The following BAZ2B variants were observed in gnomAD, a reference collection of about 807,000 sequenced individuals.
BAZ2B encodes the protein bromodomain adjacent to zinc finger domain 2B.
In BAZ2B, 91 loss-of-function variants were observed where a neutral mutation model predicts 246.0. That is an observed-to-expected ratio of 0.37 (90% CI 0.31 to 0.44). The LOEUF is 0.44. Among genes scored for constraint, BAZ2B ranks in the 20% least tolerant of loss-of-function variants. BAZ2B has a pLI of 1.00. For synonymous variants in BAZ2B, 855 were observed against 860.0 expected (o/e 0.99, Z 0.10); for missense variants, 2,332 against 2,533.7 (o/e 0.92, Z 1.71).
intron 3 of BAZ2B, among the ~76,000 whole-genome samples, chr2:159,476,664 GAA>G (rs1375764291): frequency 1.3e-5 from 2 of 152,128 alleles, no homozygotes; most frequent in Non-Finnish European, 2.9e-5. Flanking sequence ...CTTCAAATAA[GAA>G]AAGACATTTC....
intron 27 of BAZ2B, among the ~76,000 whole-genome samples, chr2:159,354,972 A>G (rs1214939108): frequency 6.6e-6 from 1 of 152,170 alleles, no homozygotes; most frequent in African/African-American, 2.4e-5. Flanking sequence ...GAAAGAAGCT[A>G]TGTCTTCTTG....
chr2:159,704,805 C>T, the BAZ2B span, among the ~76,000 whole-genome samples: 3 of 151,712 alleles, frequency 2.0e-5, no homozygotes, highest in Non-Finnish European at 4.4e-5. Context: ...TGAGTTCTCG[C>T]CATTCTCCTG....
intron 1 of BAZ2B, among the ~76,000 whole-genome samples, chr2:159,613,483 T>TTCA (rs10693275): frequency 0.54 from 81,539 of 149,822 alleles, 23,058 homozygotes; most frequent in East Asian, 0.74. Context: ...AAAAAGACTC[T>TTCA]TCATCATCGT....
intron 2 of BAZ2B, among the ~76,000 whole-genome samples, chr2:159,520,859 T>C (rs552271936): frequency 1.3e-5 from 2 of 152,284 alleles, no homozygotes; most frequent in East Asian, 3.9e-4. Flanking sequence ...TAAATGACAA[T>C]TTTCATCCAA....
chr2:159,558,475 G>C (rs1429158067), intron 1 of BAZ2B, among the ~76,000 whole-genome samples: 4 of 152,048 alleles, frequency 2.6e-5, no homozygotes, highest in Admixed American at 2.6e-4. Context: ...GGTCAGGCTG[G>C]TCTTGAACTC....
At chr2:159,590,269 C>CA (rs34798154) in intron 1 of BAZ2B, among the ~76,000 whole-genome samples, 28,136 of 69,148 alleles carry the variant, frequency 0.41, 6,343 homozygotes, top group Middle Eastern at 0.57. Flanking sequence ...ATCTTCCACT[C>CA]AAAAAAAAAA....
chr2:159,557,096 T>C (rs572505332), intron 1 of BAZ2B, among the ~76,000 whole-genome samples: 5 of 151,876 alleles, frequency 3.3e-5, no homozygotes, highest in Admixed American at 1.3e-4. Context: ...TACTTCATGA[T>C]TACTGGCTCT....
intron 36 of BAZ2B, among the ~76,000 whole-genome samples, chr2:159,323,260 C>T (rs1327706864): frequency 1.3e-5 from 2 of 151,790 alleles, no homozygotes; most frequent in African/African-American, 2.4e-5. Context: ...GCTGGGATTA[C>T]AGGCGTGAGC....
In BAZ2B at chr2:159,348,807, T is replaced by C; in HGVS notation, c.5164A>G (p.Ile1722Val). ...AAAGCTTTTAGGTCCTCTGGGTCAA[T>C]AATTCTCCACCAACCAAACTGCATT... ...EEMQFGWWRI[I>V]DPEDLKALLK... The change falls in exon 30 of 37, where the codon ATT becomes GTT. Residue 1722 changes from isoleucine (I) to valine (V), a missense_variant. Around this residue, in one of 9 missense-constraint regions of BAZ2B, gnomAD observed 676 missense variants for 668.6 expected, o/e 1.01. Transcript: ENST00000392783. 2 of 1,606,690 alleles carry C rather than the reference T, an allele frequency of 1.2e-6. No individual in the cohort carries two copies. Among genetic ancestry groups the C allele is most frequent in the Non-Finnish European group, 1.7e-6 (2 of 1,178,300 alleles).
At chr2:159,628,458 G>C in the BAZ2B span, among the ~76,000 whole-genome samples, 2 of 152,142 alleles carry the variant, frequency 1.3e-5, no homozygotes, top group Non-Finnish European at 2.9e-5. Context: ...CACAGTACTG[G>C]TACCGAAACA....
At position 159,446,864 on chromosome 2, in the gene BAZ2B, G is replaced by A. The variant is rs751488167; in HGVS notation, c.614C>T (p.Ser205Leu). The A allele has an allele frequency of 1.2e-5, 19 of 1,613,612 alleles. No homozygotes were observed. The highest frequency in any genetic ancestry group is 2.2e-5 in the East Asian group (1 of 44,822). Residue 205 changes from serine to leucine, a missense_variant, in exon 6 of 37, where the codon TCA (serine) becomes TTA (leucine). Ser to Leu is a moderately radical substitution (Grantham distance 145). Transcript: ENST00000392783. ...SSMGQTKSTSSGGGNRKCNQE... is the reference protein window; with the variant it reads ...SSMGQTKSTSLGGGNRKCNQE... Reference sequence around the variant, plus strand: ...ATTACATTTTCGATTTCCTCCACCTGAGCTTGTACTTTTAGTTTGTCCCAT... The same window carrying A: ...ATTACATTTTCGATTTCCTCCACCTAAGCTTGTACTTTTAGTTTGTCCCAT...
chr2:159,406,911 C>A lies in BAZ2B; in HGVS notation c.2678-1797G>T, dbSNP rs148928838. 2.6e-5 allele frequency among the ~76,000 whole-genome samples: 4 copies of A among 151,780 alleles called. No homozygotes were observed. The South Asian group carries it at 8.4e-4, about 32-fold the overall frequency. On this transcript the variant is annotated intron_variant, in intron 14 of 36. Transcript: ENST00000392783. Reference sequence around the variant, plus strand: ...CTGGGACTACAGGCGCCCGCCACCACGCCCAGCTAATTTTTTATACTTTTA... The same window carrying A: ...CTGGGACTACAGGCGCCCGCCACCAAGCCCAGCTAATTTTTTATACTTTTA...
At chr2:159,333,060 T>C (rs1183809016) in intron 33 of BAZ2B, 1 of 155,900 alleles carries the variant, frequency 6.4e-6, no homozygotes, top group Non-Finnish European at 1.4e-5. Flanking sequence ...GCTTCATCTT[T>C]TGCTTATCTT....
chr2:159,468,578 A>G (rs2150749569), intron 3 of BAZ2B, among the ~76,000 whole-genome samples: 1 of 152,370 alleles, frequency 6.6e-6, no homozygotes, highest in African/African-American at 2.4e-5. Context: ...CATCAGCCAA[A>G]GAAGAATTAA....
chr2:159,574,675 A>G (rs1684863010), intron 1 of BAZ2B, among the ~76,000 whole-genome samples: 1 of 152,212 alleles, frequency 6.6e-6, no homozygotes, highest in Admixed American at 6.5e-5. Context: ...CATACAATGA[A>G]ATATTATTTG....
chr2:159,573,471 G>A (rs1395390139), intron 1 of BAZ2B, among the ~76,000 whole-genome samples: 1 of 152,102 alleles, frequency 6.6e-6, no homozygotes, highest in African/African-American at 2.4e-5. Context: ...TGTAAAAGAA[G>A]GAAACTGGAC....
At chr2:159,607,234 A>C (rs1693717676) in intron 1 of BAZ2B, among the ~76,000 whole-genome samples, 1 of 152,152 alleles carries the variant, frequency 6.6e-6, no homozygotes, top group Non-Finnish European at 1.5e-5. Flanking sequence ...CGAAGGAACT[A>C]AAAGAAGTAA....
the BAZ2B span, among the ~76,000 whole-genome samples, chr2:159,646,446 T>C: frequency 6.6e-6 from 1 of 152,090 alleles, no homozygotes; most frequent in Admixed American, 6.6e-5. Flanking sequence ...TGAGGCAATA[T>C]ACATCCTTCT....
chr2:159,614,061 TACAG>T (rs1695306148), intron 1 of BAZ2B, among the ~76,000 whole-genome samples: 2 of 152,316 alleles, frequency 1.3e-5, no homozygotes, highest in East Asian at 1.9e-4. Context: ...GCAAATTAAA[TACAG>T]ACAGTTTCAT....
Sources: allele counts gnomAD v4.1 joint callset (sites outside exome capture counted in the v4.1 genomes callset), GRCh38; gene constraint gnomAD v4.1.1; regional missense constraint gnomAD v4.1.1; transcripts MANE v1.5; gene names NCBI Gene and HGNC (gene_info 2026-07-23, HGNC 2026-07-21).